Variants in ZNF804A observed in about 807,000 individuals in gnomAD.
ZNF804A encodes zinc finger protein 804A.
ZNF804A carries 2 observed loss-of-function variants against 16.5 expected under a neutral mutation model. The observed-to-expected ratio is 0.12, with a 90% confidence interval of 0.05 to 0.38. The LOEUF is 0.38. ZNF804A is among the 10% of genes least tolerant of loss of function. The pLI, the probability that ZNF804A is intolerant of heterozygous loss-of-function variation, is 0.99. For synonymous variants in ZNF804A, 534 were observed against 489.6 expected (o/e 1.09, Z -1.20); for missense variants, 1,473 against 1,390.7 (o/e 1.06, Z -0.94).
chr2:184,605,540 C>T (rs1046320318), intron 1 of ZNF804A, among the ~76,000 whole-genome samples: 3 of 152,006 alleles, frequency 2.0e-5, no homozygotes, highest in Admixed American at 1.3e-4. Flanking sequence ...TGTATTTGTA[C>T]TTAACTTGTA....
At chr2:184,691,309 G>T (rs1180579072) in intron 1 of ZNF804A, among the ~76,000 whole-genome samples, 1 of 151,902 alleles carries the variant, frequency 6.6e-6, no homozygotes, top group African/African-American at 2.4e-5. Context: ...CCCTTTCTTT[G>T]TAGGAAGCTA....
chr2:184,688,741 G>A (rs957430891), intron 1 of ZNF804A, among the ~76,000 whole-genome samples: 8 of 151,996 alleles, frequency 5.3e-5, no homozygotes, highest in Non-Finnish European at 8.8e-5. Context: ...ATGTTTCTTT[G>A]TGCTAAAAGG....
chr2:184,904,640 AG>A (rs1337843499), intron 2 of ZNF804A, among the ~76,000 whole-genome samples: 4 of 152,094 alleles, frequency 2.6e-5, no homozygotes, highest in Non-Finnish European at 5.9e-5. Context: ...CTATAAAAGA[AG>A]GGTAAAATTA....
In ZNF804A at chr2:184,767,861, A is replaced by G. The variant is rs529764104; in HGVS notation, c.112-98508A>G. On this transcript the variant is annotated intron_variant, in intron 1 of 3. Transcript: ENST00000302277. ...CAAAATTGTTGCAAATAAATAAGGC[A>G]GGCATCAGTGAATCCAAATCTGTTC... 2.6e-5 allele frequency among the ~76,000 whole-genome samples: 4 copies of G among 152,282 alleles called. No homozygotes were observed. In the South Asian group the frequency reaches 8.3e-4, roughly 32 times the overall value.
chr2:184,700,100 T>TA (rs1692896159), intron 1 of ZNF804A, among the ~76,000 whole-genome samples: 1 of 152,104 alleles, frequency 6.6e-6, no homozygotes, highest in African/African-American at 2.4e-5. Flanking sequence ...TATGGTAAGG[T>TA]ATTTGATGTA....
chr2:184,843,421 C>T (rs1695468273), intron 1 of ZNF804A, among the ~76,000 whole-genome samples: 1 of 151,974 alleles, frequency 6.6e-6, no homozygotes. Context: ...TGCCACCATG[C>T]CCGGCTAATT....
intron 1 of ZNF804A, among the ~76,000 whole-genome samples, chr2:184,731,517 T>C (rs1046939753): frequency 2.0e-5 from 3 of 151,630 alleles, no homozygotes; most frequent in Non-Finnish European, 4.4e-5. Context: ...TGCTCATTTT[T>C]CATTTGCATA....
intron 1 of ZNF804A, among the ~76,000 whole-genome samples, chr2:184,638,381 T>C (rs535546587): frequency 6.6e-6 from 1 of 152,252 alleles, no homozygotes; most frequent in South Asian, 2.1e-4. Context: ...GCAACAGTCA[T>C]AGACAATTTT....
rs1244566222 is a variant in ZNF804A at position 184,829,899 on chromosome 2, C to CAAAAAAAAAAA, written c.112-36457_112-36447dup. Among the ~76,000 whole-genome samples, 30 of 38,844 alleles carry CAAAAAAAAAAA rather than the reference C, an allele frequency of 7.7e-4. 2 individuals are homozygous for CAAAAAAAAAAA. The highest frequency in any genetic ancestry group is 1.6e-3 in the African/African-American group (17 of 10,654). 25.5% of individuals were successfully genotyped at this position (38,844 alleles called of 152,430 possible). On this transcript the variant is annotated intron_variant, in intron 1 of 3. Transcript: ENST00000302277. ...CAACATGTCAAAACCCTGTCTCTAC[C>CAAAAAAAAAAA]AAAAAAAAAAAAAAAAAAAAAAACA...
At chr2:184,626,917 G>GT (rs1347530331) in intron 1 of ZNF804A, among the ~76,000 whole-genome samples, 2 of 152,122 alleles carry the variant, frequency 1.3e-5, no homozygotes, top group South Asian at 2.1e-4. Context: ...GGACTTTCAC[G>GT]TAACAGCAGA....
chr2:184,758,296 A>G (rs546025308), intron 1 of ZNF804A, among the ~76,000 whole-genome samples: 2 of 152,140 alleles, frequency 1.3e-5, no homozygotes, highest in African/African-American at 4.8e-5. Flanking sequence ...TTCTGATGAT[A>G]CAAATAAATA....
chr2:184,921,055 C>T (rs1232367018), intron 2 of ZNF804A, among the ~76,000 whole-genome samples: 2 of 152,244 alleles, frequency 1.3e-5, no homozygotes, highest in East Asian at 1.9e-4. Flanking sequence ...TTAATAGAAA[C>T]GGAGTTTTAC....
At chr2:184,916,007 C>G (rs1685443886) in intron 2 of ZNF804A, among the ~76,000 whole-genome samples, 1 of 152,132 alleles carries the variant, frequency 6.6e-6, no homozygotes, top group African/African-American at 2.4e-5. Context: ...TGCTAACATT[C>G]TAATAGAATC....
chr2:184,813,817 A>T (rs1012079025), intron 1 of ZNF804A, among the ~76,000 whole-genome samples: 1 of 151,858 alleles, frequency 6.6e-6, no homozygotes, highest in Non-Finnish European at 1.5e-5. Flanking sequence ...CACCAAACAT[A>T]CCTTGTTCTT....
chr2:184,867,599 C>T (rs889419571), intron 2 of ZNF804A, among the ~76,000 whole-genome samples: 3 of 152,094 alleles, frequency 2.0e-5, no homozygotes, highest in Non-Finnish European at 4.4e-5. Flanking sequence ...GCTTAATGAT[C>T]TGTCCTTGCC....
intron 1 of ZNF804A, among the ~76,000 whole-genome samples, chr2:184,717,436 T>A (rs1693232052): frequency 6.6e-6 from 1 of 152,196 alleles, no homozygotes; most frequent in Non-Finnish European, 1.5e-5. Context: ...CCTCAGTGCT[T>A]CCCTTTACCC....
rs146492286 is a variant in ZNF804A, at chr2:184,938,789, T to G, written c.3393T>G (p.Phe1131Leu). The G allele has an allele frequency of 1.5e-5, 25 of 1,613,594 alleles. No individual in the cohort carries two copies. In the African/African-American group the frequency reaches 2.3e-4, roughly 15 times the overall value. The change falls in exon 4 of 4, where the codon TTT (phenylalanine) becomes TTG (leucine). Residue 1131 changes from phenylalanine to leucine, a missense_variant. Phe to Leu is a conservative substitution (Grantham distance 22). Transcript: ENST00000302277. Reference protein sequence around the residue: ...TFKVLQPHQQFLSQIPALTRT... With the variant: ...TFKVLQPHQQLLSQIPALTRT... The stretch of plus-strand genomic sequence containing the variant: ...AAGTGCTTCAGCCACACCAACAGTT[T>G]CTTTCCCAAATCCCAGCTCTCACCA...
At chr2:184,912,247 A>G (rs1370355965) in intron 2 of ZNF804A, among the ~76,000 whole-genome samples, 4 of 152,064 alleles carry the variant, frequency 2.6e-5, no homozygotes, top group African/African-American at 9.7e-5. Flanking sequence ...ATTATACAGT[A>G]TATGACCTTT....
intron 1 of ZNF804A, among the ~76,000 whole-genome samples, chr2:184,653,219 C>A (rs1004908463): frequency 6.6e-6 from 1 of 152,104 alleles, no homozygotes; most frequent in African/African-American, 2.4e-5. Flanking sequence ...AAACAACAAC[C>A]AGGTGTTATT....
Sources: allele counts gnomAD v4.1 joint callset (sites outside exome capture counted in the v4.1 genomes callset), GRCh38; gene constraint gnomAD v4.1.1; transcripts MANE v1.5; gene names NCBI Gene and HGNC (gene_info 2026-07-23, HGNC 2026-07-21).